The following USP9X variants were observed in gnomAD, a reference collection of about 807,000 sequenced individuals.
The protein encoded by USP9X is ubiquitin specific peptidase 9 X-linked, also known as ubiquitin carboxyl-terminal hydrolase 9X.
USP9X carries 7 observed loss-of-function variants against 190.3 expected under a neutral mutation model. That is an observed-to-expected ratio of 0.04 (90% CI 0.02 to 0.07). The LOEUF (loss-of-function observed/expected upper bound fraction) is 0.07. Among genes scored for constraint, USP9X ranks in the 10% least tolerant of loss-of-function variants. The pLI, the probability that USP9X is intolerant of heterozygous loss-of-function variation, is 1.00. For synonymous variants in USP9X, 645 were observed against 659.5 expected, an observed-to-expected ratio of 0.98 and a Z score of 0.34; for missense variants, 1,010 against 1,916.9, an observed-to-expected ratio of 0.53 and a Z score of 8.83.
At chrX:41,094,184 C>CTTTTTTTT (rs56901756) in intron 1 of USP9X, among the ~76,000 whole-genome samples, 2 of 100,087 alleles carry the variant, frequency 2.0e-5, no homozygotes, top group Non-Finnish European at 4.0e-5. Flanking sequence ...TTTCTTTTTT[C>CTTTTTTTT]TTTTTTTTTG....
At chrX:41,219,006 A>T in intron 37 of USP9X, 96 bp from the exon 38 acceptor site, 1 of 879,205 alleles carries the variant, frequency 1.1e-6, no homozygotes, top group Non-Finnish European at 1.5e-6. Flanking sequence ...CCATAAATGT[A>T]TGCCTGTATC....
intron 33 of USP9X, among the ~76,000 whole-genome samples, chrX:41,211,837 T>G (rs1322578383): frequency 1.2e-5 from 1 of 83,463 alleles, no homozygotes; most frequent in East Asian, 3.9e-4. Flanking sequence ...GGGAGGGAGG[T>G]GGGGGGGTCA....
Position 41,125,684 on chromosome X carries a change from A to ACACACACACACTCT in USP9X, c.96+1961_96+1962insACACACACACTCTC. Among the ~76,000 whole-genome samples the ACACACACACACTCT allele has an allele frequency of 5.7e-3, 108 of 18,999 alleles. 1 individual carries two copies. Among genetic ancestry groups the ACACACACACACTCT allele is most frequent in the Non-Finnish European group, 8.1e-3 (90 of 11,131 alleles). 16.5% of individuals were successfully genotyped at this position (18,999 alleles called of 115,157 possible). A position where few individuals can be genotyped will look rare whatever the true frequency, so the allele number is the denominator to read the frequency against. ...CACACACACACACACACACACACAC[A>ACACACACACACTCT]CTCTCTCTCTCTCTCTCTCTCTCTC... On this transcript the variant is annotated intron_variant, in intron 2 of 44. Transcript: ENST00000378308.
At chrX:41,185,316 C>T (rs1242710020) in intron 23 of USP9X, among the ~76,000 whole-genome samples, 1 of 111,746 alleles carries the variant, frequency 8.9e-6, no homozygotes, top group Non-Finnish European at 1.9e-5. Flanking sequence ...GGTAATATCA[C>T]ATATAATTGT....
At chrX:41,207,730 A>C (rs1047522220) in intron 32 of USP9X, among the ~76,000 whole-genome samples, 2 of 111,118 alleles carry the variant, frequency 1.8e-5, no homozygotes, top group African/African-American at 6.6e-5. Context: ...GGAGCGGGGA[A>C]CGAAGGGTCA....
At chrX:41,101,361 C>T (rs112967426) in intron 1 of USP9X, among the ~76,000 whole-genome samples, 9 of 108,264 alleles carry the variant, frequency 8.3e-5, no homozygotes, top group African/African-American at 3.0e-4. Flanking sequence ...GGGTGGATCA[C>T]GAGGTCAGGA....
chrX:41,117,573 C>CT (rs2062158532), intron 1 of USP9X, among the ~76,000 whole-genome samples: 1 of 78,043 alleles, frequency 1.3e-5, no homozygotes. Context: ...TTTTTTTTTT[C>CT]TTCTTCTTTT....
chrX:41,105,410 CT>C (rs1208979610), intron 1 of USP9X, among the ~76,000 whole-genome samples: 1 of 112,009 alleles, frequency 8.9e-6, no homozygotes, highest in Non-Finnish European at 1.9e-5. Context: ...AATATTTGTC[CT>C]TTTGTGACCG....
intron 1 of USP9X, among the ~76,000 whole-genome samples, chrX:41,098,306 A>G (rs1440984395): frequency 9.2e-6 from 1 of 109,010 alleles, no homozygotes; most frequent in Admixed American, 9.8e-5. Context: ...ACACCTGGCT[A>G]ATTTTGTATT....
At chrX:41,097,838 A>G (rs1026011004) in intron 1 of USP9X, among the ~76,000 whole-genome samples, 1 of 111,463 alleles carries the variant, frequency 9.0e-6, no homozygotes, top group South Asian at 3.7e-4. Context: ...TAAGAAAACA[A>G]TTTTGACCTC....
chrX:41,206,369 G>A (rs79492326), intron 32 of USP9X, among the ~76,000 whole-genome samples: 1 of 111,761 alleles, frequency 8.9e-6, no homozygotes, highest in African/African-American at 3.3e-5. Context: ...TCTCATAACT[G>A]GTTTTTACTG....
At chrX:41,152,426 T>G (rs1044390004) in intron 13 of USP9X, among the ~76,000 whole-genome samples, 1 of 111,109 alleles carries the variant, frequency 9.0e-6, no homozygotes, top group Non-Finnish European at 1.9e-5. Context: ...CAAAACAGAT[T>G]AGGGTTTCAA....
chrX:41,222,523 G>C (rs1280795222), intron 38 of USP9X, among the ~76,000 whole-genome samples: 2 of 111,735 alleles, frequency 1.8e-5, no homozygotes, highest in Non-Finnish European at 3.8e-5. Context: ...ATTTATAAAA[G>C]AGTTTTTGCT....
rs1186487930 is a variant in USP9X, at chrX:41,236,276, A to G, written c.*3752A>G. ...AGGTTTTTGAGTGTGATAAAACACTACAGAAGTGCTAAGTGTATTGAGAAT... is the reference window on the plus strand; with the variant it reads ...AGGTTTTTGAGTGTGATAAAACACTGCAGAAGTGCTAAGTGTATTGAGAAT... On this transcript the variant is annotated 3_prime_UTR_variant, in exon 45 of 45. Transcript: ENST00000378308. 3 of 112,278 alleles carry G rather than the reference A, an allele frequency of 2.7e-5. No homozygotes were observed. The highest frequency in any genetic ancestry group is 9.7e-5 in the African/African-American group (3 of 30,875). 9.3% of individuals were successfully genotyped at this position (112,278 alleles called of 1,213,427 possible).
chrX:41,123,534 G>A lies in USP9X; in HGVS notation c.-95G>A, dbSNP rs2062208243. 3 of 718,213 alleles carry A rather than the reference G, an allele frequency of 4.2e-6. No individual in the cohort carries two copies. Among genetic ancestry groups the A allele is most frequent in the Non-Finnish European group, 6.5e-6 (3 of 464,912 alleles). 59.2% of individuals were successfully genotyped at this position (718,213 alleles called of 1,213,427 possible). A position where few individuals can be genotyped will look rare whatever the true frequency, so the allele number is the denominator to read the frequency against. The stretch of plus-strand genomic sequence containing the variant: ...TTGGACCTTTTTAAGACTGACAAAT[G>A]CTGGTACTTCATCTTCTATAAGTGG... On this transcript the variant is annotated 5_prime_UTR_variant, in exon 2 of 45. It removes an upstream start codon present in the reference 5' UTR. Coordinates refer to ENST00000378308, the MANE Select transcript of USP9X (RefSeq NM_001039591.3).
In USP9X at chrX:41,097,023, T is replaced by G. The variant is rs186455827; in HGVS notation, c.-159+10914T>G. On this transcript the variant is annotated intron_variant, in intron 1 of 44. Coordinates refer to ENST00000378308, the MANE Select transcript of USP9X (RefSeq NM_001039591.3). Reference sequence around the variant, plus strand: ...TTGTCAATCCAACAACTTGAATGTCTCCTCTCCCTTGTTTCTCCTGTGTGG... The same window carrying G: ...TTGTCAATCCAACAACTTGAATGTCGCCTCTCCCTTGTTTCTCCTGTGTGG... Among the ~76,000 whole-genome samples the G allele has an allele frequency of 4.8e-5, 5 of 104,356 alleles. No homozygotes were observed. The East Asian group carries it at 1.5e-3, about 32-fold the overall frequency. The allele number at this position is 104,356 out of a possible 115,157, so 90.6% of individuals were successfully genotyped here.
At chrX:41,213,039 T>C (rs1320237053) in intron 33 of USP9X, among the ~76,000 whole-genome samples, 1 of 112,266 alleles carries the variant, frequency 8.9e-6, no homozygotes, top group Non-Finnish European at 1.9e-5. Flanking sequence ...ATTTTCTAAA[T>C]TATTTGGAAA....
At chrX:41,205,784 C>T (rs935142485) in intron 32 of USP9X, among the ~76,000 whole-genome samples, 16 of 110,087 alleles carry the variant, frequency 1.5e-4, no homozygotes, top group Non-Finnish European at 5.7e-5. Flanking sequence ...GTATGAACCC[C>T]TGTATACTTG....
At position 41,085,507 on chromosome X, in the gene USP9X, C is replaced by T. The variant is rs1244750842; in HGVS notation, c.-761C>T. 4 of 195,648 alleles carry T rather than the reference C, an allele frequency of 2.0e-5. No individual in the cohort carries two copies. The highest frequency in any genetic ancestry group is 3.7e-5 in the Non-Finnish European group (4 of 107,183). 16.1% of individuals were successfully genotyped at this position (195,648 alleles called of 1,213,427 possible). On this transcript the variant is annotated 5_prime_UTR_variant, in exon 1 of 45. Transcript: ENST00000378308. Reference sequence around the variant, plus strand: ...CGCGGCTGCGGACGCTAGTCTCCGCCGCCGCCGGAGCCGCAACCTCTCCGC... The same window carrying T: ...CGCGGCTGCGGACGCTAGTCTCCGCTGCCGCCGGAGCCGCAACCTCTCCGC...
Sources: gnomAD v4.1 joint callset for allele counts (sites outside exome capture counted in the v4.1 genomes callset) on GRCh38, gnomAD v4.1.1 for gene constraint, MANE v1.5 for transcripts, NCBI Gene and HGNC (gene_info 2026-07-23, HGNC 2026-07-21) for gene names.